Variants in EVA1A observed in about 807,000 individuals in gnomAD.
EVA1A encodes the protein eva-1 homolog A, regulator of programmed cell death.
In EVA1A, 7 loss-of-function variants were observed where a neutral mutation model predicts 9.8. That is an observed-to-expected ratio of 0.71 (90% CI 0.41 to 1.34). The LOEUF is 1.34. EVA1A is among the 40% of genes most tolerant of loss of function. The pLI, the probability that EVA1A is intolerant of heterozygous loss-of-function variation, is 0.01. For synonymous variants in EVA1A, 90 were observed against 85.6 expected, an observed-to-expected ratio of 1.05 and a Z score of -0.28; for missense variants, 206 against 205.9, an observed-to-expected ratio of 1.00 and a Z score of 0.00.
chr2:75,525,071 C>T (rs1270298200), intron 1 of EVA1A, among the ~76,000 whole-genome samples: 7 of 151,974 alleles, frequency 4.6e-5, no homozygotes, highest in African/African-American at 1.7e-4. Context: ...TACATATATA[C>T]ATTCTATACT....
intron 3 of EVA1A, among the ~76,000 whole-genome samples, chr2:75,497,970 C>A (rs1296657710): frequency 2.0e-5 from 3 of 151,398 alleles, no homozygotes; most frequent in African/African-American, 7.3e-5. Context: ...AATCCCACTA[C>A]TGGGTGTATA....
chr2:75,518,898 A>T, intron 2 of EVA1A: 1 of 979,370 alleles, frequency 1.0e-6, no homozygotes, highest in Non-Finnish European at 1.2e-6. Flanking sequence ...AGCAGTTCTC[A>T]TTCTAAAATA....
chr2:75,533,256 A>G (rs1675741564), intron 1 of EVA1A, among the ~76,000 whole-genome samples: 1 of 152,192 alleles, frequency 6.6e-6, no homozygotes, highest in Admixed American at 6.5e-5. Context: ...TATAGGGAAA[A>G]AACAATTCAG....
intron 2 of EVA1A, among the ~76,000 whole-genome samples, chr2:75,521,926 G>A (rs968245007): frequency 6.6e-6 from 1 of 152,110 alleles, no homozygotes; most frequent in Non-Finnish European, 1.5e-5. Flanking sequence ...TCAAATTTTG[G>A]TTTTAAGTTA....
intron 1 of EVA1A, among the ~76,000 whole-genome samples, chr2:75,532,028 C>G (rs1008676326): frequency 1.3e-5 from 2 of 151,806 alleles, no homozygotes; most frequent in South Asian, 4.2e-4. Context: ...GGTGTGGTGG[C>G]GGGTGCCTGT....
intron 3 of EVA1A, among the ~76,000 whole-genome samples, chr2:75,499,860 C>T (rs765177014): frequency 1.3e-5 from 2 of 152,144 alleles, no homozygotes; most frequent in Non-Finnish European, 2.9e-5. Context: ...CGGCCGTACT[C>T]GAGATAAGCA....
At position 75,492,868 on chromosome 2, in the gene EVA1A, A is replaced by G. The variant is rs1183742199; in HGVS notation, c.*368T>C. 4.8e-6 allele frequency: 1 copy of G among 207,540 alleles called. No individual in the cohort carries two copies. Among genetic ancestry groups the G allele is most frequent in the East Asian group, 1.2e-4 (1 of 8,174 alleles). 12.9% of individuals were successfully genotyped at this position (207,540 alleles called of 1,614,324 possible). A position where few individuals can be genotyped will look rare whatever the true frequency, so the allele number is the denominator to read the frequency against. ...GTTCACCCTGCTATTCCCAGCCCTC[A>G]TGCTATAATGATCTTTCCTTTTGCA... On this transcript the variant is annotated 3_prime_UTR_variant, in exon 4 of 4. Coordinates refer to ENST00000393913, the MANE Select transcript of EVA1A (RefSeq NM_001135032.2).
intron 1 of EVA1A, chr2:75,542,239 A>G (rs962520499): frequency 6.5e-6 from 1 of 153,350 alleles, no homozygotes; most frequent in African/African-American, 2.4e-5. Context: ...TCTTTCGTAA[A>G]TTGCCCAGTC....
At chr2:75,545,678 AAG>A (rs1676304455) in intron 1 of EVA1A, among the ~76,000 whole-genome samples, 2 of 137,072 alleles carry the variant, frequency 1.5e-5, no homozygotes, top group Admixed American at 1.5e-4. Flanking sequence ...GGCAGAAGCA[AAG>A]CACAGGACAC....
chr2:75,523,938 T>C (rs2103864953), intron 1 of EVA1A: 1 of 152,082 alleles, frequency 6.6e-6, no homozygotes, highest in East Asian at 1.9e-4. Context: ...CCAACTGTTG[T>C]AGGAGGGACC....
chr2:75,546,929 A>T (rs1572987129), intron 1 of EVA1A, among the ~76,000 whole-genome samples: 2 of 145,110 alleles, frequency 1.4e-5, no homozygotes, highest in Admixed American at 6.9e-5. Context: ...AAAAAAAAAC[A>T]CCTAAGGCTA....
chr2:75,493,162 C>T lies in EVA1A; in HGVS notation c.*74G>A. On this transcript the variant is annotated 3_prime_UTR_variant, in exon 4 of 4. Transcript: ENST00000393913. ...AATATTAGCAGAGCTGGGTTCAGTT[C>T]CTTGTGCCCACTGTCCCTGCAGACG... 2 of 1,525,030 alleles carry T rather than the reference C, an allele frequency of 1.3e-6. No homozygotes were observed. Among genetic ancestry groups the T allele is most frequent in the Non-Finnish European group, 1.8e-6 (2 of 1,135,788 alleles). The allele number at this position is 1,525,030 out of a possible 1,614,324, so 94.5% of individuals were successfully genotyped here.
chr2:75,511,887 G>T (rs927516310), intron 3 of EVA1A, among the ~76,000 whole-genome samples: 3 of 152,118 alleles, frequency 2.0e-5, no homozygotes, highest in African/African-American at 7.2e-5. Flanking sequence ...AAAATATATA[G>T]TATGGTGGAT....
At chr2:75,569,686 T>G (rs1209383387) in exon 1 of EVA1A, 2 of 152,280 alleles carry the variant, frequency 1.3e-5, no homozygotes, top group Admixed American at 1.3e-4. Flanking sequence ...GCTTCAGCCA[T>G]GTCAACCTTT....
At chr2:75,529,634 A>G (rs1231718976) in intron 1 of EVA1A, among the ~76,000 whole-genome samples, 2 of 152,238 alleles carry the variant, frequency 1.3e-5, no homozygotes, top group African/African-American at 4.8e-5. Context: ...TTAAGTAATC[A>G]GCTCCTGAAT....
upstream of EVA1A, among the ~76,000 whole-genome samples, chr2:75,564,654 G>A (rs1053058918): frequency 5.9e-5 from 9 of 152,166 alleles, no homozygotes; most frequent in Non-Finnish European, 1.0e-4. Flanking sequence ...CGCAAATGTC[G>A]TGATGACAAG....
At chr2:75,534,498 T>A (rs1223152279) in intron 1 of EVA1A, among the ~76,000 whole-genome samples, 3 of 79,696 alleles carry the variant, frequency 3.8e-5, no homozygotes, top group Admixed American at 1.1e-4. Context: ...AATGTTCAAG[T>A]AACTAAAAAA....
intron 3 of EVA1A, among the ~76,000 whole-genome samples, chr2:75,498,133 T>C (rs1674279170): frequency 6.6e-6 from 1 of 152,164 alleles, no homozygotes; most frequent in Non-Finnish European, 1.5e-5. Flanking sequence ...ATATGCACCA[T>C]GGAATACTAA....
At chr2:75,515,594 A>G (rs1364022629) in intron 3 of EVA1A, among the ~76,000 whole-genome samples, 1 of 152,234 alleles carries the variant, frequency 6.6e-6, no homozygotes, top group Non-Finnish European at 1.5e-5. Flanking sequence ...TCCAGAGACC[A>G]TCAGGCAAAA....
Sources: gnomAD v4.1 joint callset for allele counts (sites outside exome capture counted in the v4.1 genomes callset) on GRCh38, gnomAD v4.1.1 for gene constraint, MANE v1.5 for transcripts, NCBI Gene and HGNC (gene_info 2026-07-23, HGNC 2026-07-21) for gene names.